The following INTS11 variants were observed in gnomAD, a reference collection of about 807,000 sequenced individuals.
INTS11 encodes the protein CPSF3-like protein.
INTS11 carries 77 observed loss-of-function variants against 78.6 expected under a neutral mutation model. The observed-to-expected ratio is 0.98, with a 90% CI of 0.81 to 1.18. INTS11 has a LOEUF of 1.18. Among genes scored for constraint, INTS11 ranks in the 50% most tolerant of loss-of-function variants. The pLI, the probability that INTS11 is intolerant of heterozygous loss-of-function variation, is 0.00. For synonymous variants in INTS11, 441 were observed against 326.9 expected (o/e 1.35, Z -3.77); for missense variants, 875 against 825.9 (o/e 1.06, Z -0.73).
In INTS11 at chr1:1,314,511, C is replaced by T; in HGVS notation, c.703-146G>A. On this transcript the variant is annotated intron_variant, in intron 7 of 16. Transcript: ENST00000435064. The surrounding 1 kb of genome is among the most constrained non-coding windows in gnomAD (Gnocchi z 4.2). ...TCTGCTCCCAGTCCCGTCCCAGCCG[C>T]TCTCCAGAGACAGAAGGGAGCCGTA... The T allele has an allele frequency of 1.4e-6, 1 of 722,182 alleles. No individual in the cohort carries two copies. Among genetic ancestry groups the T allele is most frequent in the Non-Finnish European group, 2.3e-6 (1 of 440,734 alleles). 44.7% of individuals were successfully genotyped at this position (722,182 alleles called of 1,614,324 possible).
chr1:1,319,316 G>A lies in INTS11; in HGVS notation c.409C>T (p.His137Tyr). Reference protein sequence around the residue: ...KDCMKKVVAVHLHQTVQVDDE... With the variant: ...KDCMKKVVAVYLHQTVQVDDE... Reference sequence around the variant, plus strand: ...CTGACCTGGACCGTCTGGTGGAGGTGGACAGCCACCACCTTCTTCATGCAG... The same window carrying A: ...CTGACCTGGACCGTCTGGTGGAGGTAGACAGCCACCACCTTCTTCATGCAG... Residue 137 changes from histidine to tyrosine, a missense_variant, in exon 4 of 17, where the codon CAC (histidine) becomes TAC (tyrosine). By Grantham distance (83) the His-to-Tyr change is moderately conservative. Coordinates refer to ENST00000435064, the MANE Select transcript of INTS11 (RefSeq NM_017871.6). 1 of 1,613,160 alleles carries A rather than the reference G, an allele frequency of 6.2e-7. No individual in the cohort carries two copies. The highest frequency in any genetic ancestry group is 8.5e-7 in the Non-Finnish European group (1 of 1,179,962).
rs1557628693 is a variant in INTS11, at chr1:1,312,213, G to GGGGGGGGGC, written c.1607+12_1607+13insGCCCCCCCC. On this transcript the variant is annotated intron_variant, in intron 15 of 16. Transcript: ENST00000435064. Reference sequence around the variant, plus strand: ...CCCAAGGGAGTGGGGGGGGGGCGGGGCCGGGCGCCCACCTCTTGAGGTGGC... The same window carrying GGGGGGGGGC: ...CCCAAGGGAGTGGGGGGGGGGCGGGGGGGGGGGGCCCGGGCGCCCACCTCTTGAGGTGGC... 9.6e-6 allele frequency: 9 copies of GGGGGGGGGC among 934,608 alleles called. No homozygotes were observed. Among genetic ancestry groups the GGGGGGGGGC allele is most frequent in the Admixed American group, 2.4e-5 (1 of 41,574 alleles). The allele number at this position is 934,608 out of a possible 1,614,324, so 57.9% of individuals were successfully genotyped here. A position where few individuals can be genotyped will look rare whatever the true frequency, so the allele number is the denominator to read the frequency against.
Position 1,323,247 on chromosome 1 carries a change from C to T in INTS11, c.28+1334G>A, listed in dbSNP as rs937680718. On this transcript the variant is annotated intron_variant, in intron 1 of 16. Transcript: ENST00000435064. ...TGGAAGGTGCCCTCGACCCCCTGCC[C>T]GGTGGAAGGACCAGGTTCCAGGACA... The T allele has an allele frequency of 1.9e-5, 29 of 1,550,162 alleles. No individual in the cohort carries two copies. The highest frequency in any genetic ancestry group is 1.8e-4 in the Admixed American group (9 of 50,980).
chr1:1,314,539 A>C lies in INTS11; in HGVS notation c.703-174T>G. The C allele has an allele frequency of 1.5e-6, 1 of 653,758 alleles. No homozygotes were observed. Among genetic ancestry groups the C allele is most frequent in the Non-Finnish European group, 2.6e-6 (1 of 383,382 alleles). The allele number at this position is 653,758 out of a possible 1,614,324, so 40.5% of individuals were successfully genotyped here. A position where few individuals can be genotyped will look rare whatever the true frequency, so the allele number is the denominator to read the frequency against. ...TCCAGAGACAGAAGGGAGCCGTATGAGAGACAGGAGGGAGCCGCATGAGAG... is the reference window on the plus strand; with the variant it reads ...TCCAGAGACAGAAGGGAGCCGTATGCGAGACAGGAGGGAGCCGCATGAGAG... On this transcript the variant is annotated intron_variant, in intron 7 of 16. Transcript: ENST00000435064. The surrounding 1 kb of genome is among the most constrained non-coding windows in gnomAD (Gnocchi z 4.2).
intron 15 of INTS11, 23 bp downstream of exon 15, chr1:1,312,203 G>GC (rs1553166767): frequency 1.7e-6 from 2 of 1,196,352 alleles, no homozygotes; most frequent in Non-Finnish European, 2.3e-6. Flanking sequence ...GGGAGTGGGG[G>GC]GGGGGCGGGG....
At chr1:1,318,234 G>A (rs557188263) in intron 4 of INTS11, among the ~76,000 whole-genome samples, 2 of 152,228 alleles carry the variant, frequency 1.3e-5, no homozygotes, top group Non-Finnish European at 2.9e-5. Flanking sequence ...TCAGGCAGAA[G>A]GCAAATTATC....
intron 3 of INTS11, 168 bp from the exon 4 acceptor site, chr1:1,319,692 T>C (rs1642832755): frequency 1.7e-6 from 1 of 587,806 alleles, no homozygotes; most frequent in Admixed American, 3.1e-5. Context: ...CCCTGGAACT[T>C]TCAGTCTCAA....
At chr1:1,313,341 C>CA in intron 10 of INTS11, 168 bp downstream of exon 10, 8 of 903,090 alleles carry the variant, frequency 8.9e-6, no homozygotes, top group Non-Finnish European at 1.4e-5. Context: ...AGCTGTGTCA[C>CA]AGAGACTGAG....
At chr1:1,320,121 T>C (rs1642857476) in intron 3 of INTS11, 2 of 285,564 alleles carry the variant, frequency 7.0e-6, no homozygotes, top group Non-Finnish European at 1.3e-5. Context: ...TGCTGAACCC[T>C]AAAGGCTGGG....
At chr1:1,322,981 G>A in intron 1 of INTS11, 1 of 1,377,202 alleles carries the variant, frequency 7.3e-7, no homozygotes, top group Non-Finnish European at 9.4e-7. Context: ...GATGTCCAGA[G>A]AGTGGGCAGA....
At chr1:1,322,400 C>T (rs758090849) in intron 1 of INTS11, among the ~76,000 whole-genome samples, 10 of 149,584 alleles carry the variant, frequency 6.7e-5, no homozygotes, top group Non-Finnish European at 8.9e-5. Flanking sequence ...AGGAGACAGA[C>T]GGCAGACAAA....
rs935779347 is a variant in INTS11 at position 1,314,611 on chromosome 1, C to T, written c.702+213G>A. On this transcript the variant is annotated intron_variant, in intron 7 of 16. Transcript: ENST00000435064. This position sits in a 1 kb window ranked among gnomAD's most constrained non-coding sequence, Gnocchi z 4.2. ...GACAGAAGGAGCCTGGCCAGGGCTT[C>T]GTCCGCACCTGAGGTAGGAGGGAAA... The T allele has an allele frequency of 1.2e-4, 80 of 666,068 alleles. No homozygotes were observed. The Admixed American group carries it at 1.8e-3, about 15-fold the overall frequency. 41.3% of individuals were successfully genotyped at this position (666,068 alleles called of 1,614,324 possible). A position where few individuals can be genotyped will look rare whatever the true frequency, so the allele number is the denominator to read the frequency against.
At chr1:1,315,035 G>A in intron 6 of INTS11, 73 bp from the exon 7 acceptor site, 2 of 1,568,468 alleles carry the variant, frequency 1.3e-6, no homozygotes, top group Non-Finnish European at 1.7e-6. Flanking sequence ...GTGACAAGCT[G>A]GACCCCAGTA....
chr1:1,313,711 C>T (rs570365291), intron 9 of INTS11, 21 bp downstream of exon 9: 31 of 1,610,276 alleles, frequency 1.9e-5, no homozygotes, highest in Admixed American at 5.0e-5. Context: ...ATGTGCTGGC[C>T]GGCCCTGCCG....
intron 1 of INTS11, among the ~76,000 whole-genome samples, chr1:1,323,886 G>T (rs1465755732): frequency 4.9e-4 from 8 of 16,206 alleles, no homozygotes; most frequent in Non-Finnish European, 6.0e-4. Flanking sequence ...GGGCTGAGGG[G>T]CTTGCGGGGT....
chr1:1,315,753 AGCGAGGGAGGT>A (rs1642552944), intron 4 of INTS11, 135 bp from the exon 5 acceptor site: 4 of 53,982 alleles, frequency 7.4e-5, no homozygotes, highest in Admixed American at 5.9e-4. Flanking sequence ...CGGGGGCGGG[AGCGAGGGAGGT>A]GGGGGCGGGG....
rs867557116 is a variant in INTS11, at chr1:1,312,340, G to A, written c.1493C>T (p.Ala498Val). ...SNFRLVSSEQ[A>V]LKELGLAEHQ... is the part of the protein sequence containing the mutation. ...CTCAGCCAGACCCAGCTCTTTGAGG[G>A]CTTGCTCTGAGGACACCAGCCGGAA... is the stretch of plus-strand genomic sequence containing the variant. Residue 498 changes from alanine (A) to valine (V), a missense_variant, in exon 15 of 17, where the codon GCC becomes GTC. Transcript: ENST00000435064. 1.3e-6 allele frequency: 2 copies of A among 1,561,066 alleles called. No individual in the cohort carries two copies. The highest frequency in any genetic ancestry group is 1.7e-6 in the Non-Finnish European group (2 of 1,152,676).
chr1:1,323,216 CTG>C (rs1389937256), intron 1 of INTS11: 3 of 1,550,072 alleles, frequency 1.9e-6, no homozygotes, highest in Non-Finnish European at 2.6e-6. Context: ...GTCCTGGTGT[CTG>C]TGCTGGAAGG....
At chr1:1,324,549 A>C in intron 1 of INTS11, 32 bp downstream of exon 1, 2 of 1,583,742 alleles carry the variant, frequency 1.3e-6, no homozygotes, top group Non-Finnish European at 1.7e-6. Flanking sequence ...TACGGAGCCC[A>C]CCCCACAGCC....
Sources: allele counts gnomAD v4.1 joint callset (sites outside exome capture counted in the v4.1 genomes callset), GRCh38; gene constraint gnomAD v4.1.1; non-coding constraint Gnocchi (gnomAD v3.1); transcripts MANE v1.5; gene names NCBI Gene and HGNC (gene_info 2026-07-23, HGNC 2026-07-21).